Variants in CDH13 observed in about 807,000 individuals in gnomAD.
CDH13 encodes cadherin-13.
Under a neutral mutation model 63.8 loss-of-function variants are expected in CDH13, and 24 were observed. The observed-to-expected ratio is 0.38, with a 90% CI of 0.27 to 0.53. The LOEUF (loss-of-function observed/expected upper bound fraction) is 0.53, where lower values mean the gene tolerates loss of function less well. CDH13 is among the 20% of genes least tolerant of loss of function. The pLI is 0.85. For missense variants in CDH13, 1,049 were observed against 903.1 expected (o/e 1.16, Z -2.07); for synonymous variants, 503 against 355.3 (o/e 1.42, Z -4.67).
intron 4 of CDH13, among the ~76,000 whole-genome samples, chr16:83,206,518 C>G (rs956105836): frequency 6.6e-6 from 1 of 152,204 alleles, no homozygotes; most frequent in Non-Finnish European, 1.5e-5. Context: ...CACATGCACC[C>G]GACAGTTTTG....
intron 6 of CDH13, among the ~76,000 whole-genome samples, chr16:83,458,251 G>A (rs923502276): frequency 1.3e-5 from 2 of 152,282 alleles, no homozygotes. Flanking sequence ...TCTTTGGGCT[G>A]TTCCTTTGTT....
At chr16:83,651,929 G>A (rs1477585361) in intron 8 of CDH13, among the ~76,000 whole-genome samples, 1 of 152,142 alleles carries the variant, frequency 6.6e-6, no homozygotes, top group Non-Finnish European at 1.5e-5. Context: ...AGTGCCACTG[G>A]AGTGCGTCTC....
intron 5 of CDH13, among the ~76,000 whole-genome samples, chr16:83,227,443 G>A (rs2039874700): frequency 6.6e-6 from 1 of 152,122 alleles, no homozygotes; most frequent in Admixed American, 6.5e-5. Context: ...TTGTGATGGG[G>A]GCTGAGTTCC....
rs1301353692 is a variant in CDH13, at chr16:83,032,205, A to G, written c.353A>G (p.Gln118Arg). ...ELVIVGGKDI[Q>R]GSLQDIFKFA... ...GTGATTGTCGGGGGGAAAGACATCC[A>G]GGGCTCCTTGCAGGTAACACATCTG... The change falls in exon 3 of 14, where the codon CAG becomes CGG. Residue 118 changes from glutamine to arginine, a missense_variant. By Grantham distance (43) the Gln-to-Arg change is conservative (BLOSUM62 1). Coordinates refer to ENST00000567109, the MANE Select transcript of CDH13 (RefSeq NM_001257.5). The G allele has an allele frequency of 6.2e-7, 1 of 1,613,296 alleles. No individual in the cohort carries two copies. The highest frequency in any genetic ancestry group is 8.5e-7 in the Non-Finnish European group (1 of 1,179,392).
intron 4 of CDH13, among the ~76,000 whole-genome samples, chr16:83,150,066 C>G (rs1033869255): frequency 1.3e-5 from 2 of 152,118 alleles, no homozygotes; most frequent in Non-Finnish European, 2.9e-5. Context: ...TTTTGCCTCT[C>G]TAGATGAAGG....
At chr16:83,356,356 A>T (rs2091056914) in intron 6 of CDH13, among the ~76,000 whole-genome samples, 1 of 151,792 alleles carries the variant, frequency 6.6e-6, no homozygotes, top group South Asian at 2.1e-4. Context: ...GCCCATCCTT[A>T]CTGGTGGTAA....
intron 1 of CDH13, among the ~76,000 whole-genome samples, chr16:82,768,103 G>A (rs997371986): frequency 6.6e-6 from 1 of 152,208 alleles, no homozygotes. Flanking sequence ...CTGTCATGTG[G>A]AAGAAGCCTA....
intron 2 of CDH13, among the ~76,000 whole-genome samples, chr16:82,863,815 A>G (rs1032372887): frequency 6.6e-6 from 1 of 152,230 alleles, no homozygotes; most frequent in African/African-American, 2.4e-5. Flanking sequence ...AGAAGCGACT[A>G]AAGCAGTGAT....
intron 3 of CDH13, among the ~76,000 whole-genome samples, chr16:83,057,068 G>C (rs1054983942): frequency 1.3e-5 from 2 of 152,152 alleles, no homozygotes; most frequent in African/African-American, 4.8e-5. Flanking sequence ...CCTGGTTCAA[G>C]TGATTCTCCT....
At chr16:83,297,389 T>TA (rs966026402) in intron 5 of CDH13, among the ~76,000 whole-genome samples, 5 of 152,154 alleles carry the variant, frequency 3.3e-5, no homozygotes, top group African/African-American at 9.6e-5. Context: ...ATGTGTCAAT[T>TA]AAAAAAACAA....
intron 7 of CDH13, among the ~76,000 whole-genome samples, chr16:83,558,374 T>C (rs1023941878): frequency 2.0e-5 from 3 of 152,036 alleles, no homozygotes; most frequent in Non-Finnish European, 4.4e-5. Context: ...AAGCTTGAAG[T>C]CAAAAAAAAT....
intron 7 of CDH13, among the ~76,000 whole-genome samples, chr16:83,534,317 C>G (rs984002577): frequency 6.6e-6 from 1 of 152,224 alleles, no homozygotes; most frequent in Non-Finnish European, 1.5e-5. Flanking sequence ...CATTTTTCAG[C>G]TTTGTGATCT....
intron 5 of CDH13, 66 bp downstream of exon 5, chr16:83,217,563 C>A: frequency 1.3e-6 from 2 of 1,499,682 alleles, no homozygotes; most frequent in Non-Finnish European, 1.8e-6. Context: ...TGTTTTCTTC[C>A]CACTGAGCTC....
At chr16:83,780,750 G>C (rs1388634254) in intron 12 of CDH13, among the ~76,000 whole-genome samples, 2 of 152,026 alleles carry the variant, frequency 1.3e-5, no homozygotes, top group African/African-American at 4.8e-5. Context: ...TTTGTAACTA[G>C]CTTACAAAGA....
At chr16:83,122,289 G>C (rs900587716) in intron 3 of CDH13, among the ~76,000 whole-genome samples, 1 of 152,192 alleles carries the variant, frequency 6.6e-6, no homozygotes, top group Admixed American at 6.5e-5. Context: ...ATAGGCAACA[G>C]TTTCTAGCTC....
At chr16:83,539,429 C>G (rs2075258626) in intron 7 of CDH13, among the ~76,000 whole-genome samples, 1 of 152,172 alleles carries the variant, frequency 6.6e-6, no homozygotes, top group Non-Finnish European at 1.5e-5. Flanking sequence ...TGGACCAGCA[C>G]TGGTGTGTAG....
intron 4 of CDH13, among the ~76,000 whole-genome samples, chr16:83,170,762 T>C (rs1172947304): frequency 1.3e-5 from 2 of 152,162 alleles, no homozygotes; most frequent in Non-Finnish European, 2.9e-5. Context: ...TAACATTATC[T>C]GGTAACAGTG....
At chr16:83,217,260 T>G in intron 4 of CDH13, 85 bp from the exon 5 acceptor site, 1 of 1,373,044 alleles carries the variant, frequency 7.3e-7, no homozygotes, top group Non-Finnish European at 1.0e-6. Flanking sequence ...CTGTGATTAG[T>G]GAATTGCTCA....
intron 4 of CDH13, among the ~76,000 whole-genome samples, chr16:83,192,363 AG>A (rs1310071598): frequency 7.9e-5 from 12 of 152,182 alleles, no homozygotes; most frequent in African/African-American, 2.9e-4. Context: ...TGCAGAATAA[AG>A]GGTCTTCTCC....
Sources: gnomAD v4.1 joint callset for allele counts (sites outside exome capture counted in the v4.1 genomes callset) on GRCh38, gnomAD v4.1.1 for gene constraint, MANE v1.5 for transcripts, NCBI Gene and HGNC (gene_info 2026-07-23, HGNC 2026-07-21) for gene names.